Variants in ATP8A2 observed in about 807,000 individuals in gnomAD.
ATP8A2 encodes phospholipid-transporting ATPase IB.
In ATP8A2, 100 loss-of-function variants were observed where a neutral mutation model predicts 165.6. The ratio of observed to expected loss-of-function variants is 0.60; its 90% CI spans 0.51 to 0.71. The LOEUF (loss-of-function observed/expected upper bound fraction) is 0.71. ATP8A2 is among the 30% of genes least tolerant of loss of function. The pLI is 0.00. For missense variants in ATP8A2, 1,227 were observed against 1,479.5 expected (o/e 0.83, Z 2.80); for synonymous variants, 543 against 548.8 (o/e 0.99, Z 0.15).
rs1955004694 is a variant in ATP8A2, at chr13:25,939,357, A to G, written c.3184-22218A>G. Among the ~76,000 whole-genome samples the G allele has an allele frequency of 2.0e-5, 3 of 152,114 alleles. 1 individual carries two copies. In the South Asian group the frequency reaches 6.2e-4, roughly 32 times the overall value. On this transcript the variant is annotated intron_variant, in intron 33 of 36. Coordinates refer to ENST00000381655, the MANE Select transcript of ATP8A2 (RefSeq NM_016529.6). ...TTTGCCCGTTTTGGTTGATTTTTGT[A>G]AACATTTTTTAGTCAACTTACATGG...
At chr13:25,994,678 G>A (rs1383240556) in intron 35 of ATP8A2, among the ~76,000 whole-genome samples, 1 of 152,070 alleles carries the variant, frequency 6.6e-6, no homozygotes, top group African/African-American at 2.4e-5. Flanking sequence ...TAACATGGTA[G>A]ATTACATTGA....
chr13:25,829,915 G>A (rs1951420496), intron 28 of ATP8A2, among the ~76,000 whole-genome samples: 1 of 151,114 alleles, frequency 6.6e-6, no homozygotes, highest in Non-Finnish European at 1.5e-5. Context: ...CAGACCATTT[G>A]CAGGAGAATA....
At position 26,025,772 on chromosome 13, in the gene ATP8A2, T is replaced by C. The variant is rs1322636946; in HGVS notation, c.*5787T>C. On this transcript the variant is annotated 3_prime_UTR_variant, in exon 37 of 37. Coordinates refer to ENST00000381655, the MANE Select transcript of ATP8A2 (RefSeq NM_016529.6). ...TTTTAGAAGTTTTGGGAGAATTTAG[T>C]GATTTGTGGCTTTGATCAATCCTGT... The C allele has an allele frequency of 2.0e-5, 3 of 152,276 alleles. No individual in the cohort carries two copies. The highest frequency in any genetic ancestry group is 7.2e-5 in the African/African-American group (3 of 41,468). 9.4% of individuals were successfully genotyped at this position (152,276 alleles called of 1,614,324 possible). A position where few individuals can be genotyped will look rare whatever the true frequency, so the allele number is the denominator to read the frequency against.
intron 33 of ATP8A2, among the ~76,000 whole-genome samples, chr13:25,925,925 C>T (rs1168846707): frequency 2.0e-5 from 3 of 151,924 alleles, no homozygotes; most frequent in Non-Finnish European, 4.4e-5. Context: ...GAGGTTTCTC[C>T]ATATTGGCCA....
rs554305960 is a variant in ATP8A2, at chr13:25,431,797, A to G, written c.77-37180A>G. Among the ~76,000 whole-genome samples the G allele has an allele frequency of 4.6e-5, 7 of 152,336 alleles. No individual in the cohort carries two copies. The South Asian group carries it at 1.2e-3, about 27-fold the overall frequency. On this transcript the variant is annotated intron_variant, in intron 1 of 36. Transcript: ENST00000381655. ...TTACATACATTAAATTCATTTTAGTATATTCACAAAGGTGTGCAGCCATCA... is the reference window on the plus strand; with the variant it reads ...TTACATACATTAAATTCATTTTAGTGTATTCACAAAGGTGTGCAGCCATCA...
chr13:25,408,080 A>ATAT lies in ATP8A2; in HGVS notation c.76+35792_76+35793insTAT, dbSNP rs35215022. ...TGTATCCTGGAACTTAAAGTAAAAA[A>ATAT]ATATATATATATTTGACATTAAAAA... On this transcript the variant is annotated intron_variant, in intron 1 of 36. Transcript: ENST00000381655. Among the ~76,000 whole-genome samples the ATAT allele has an allele frequency of 6.7e-3, 1,010 of 151,434 alleles. 15 individuals carry two copies. Among genetic ancestry groups the ATAT allele is most frequent in the African/African-American group, 0.023 (943 of 41,240 alleles).
chr13:25,963,477 A>G (rs1955710422), intron 34 of ATP8A2, among the ~76,000 whole-genome samples: 1 of 152,220 alleles, frequency 6.6e-6, no homozygotes, highest in South Asian at 2.1e-4. Flanking sequence ...CTTTCAGCCA[A>G]TAGGCCCAAT....
chr13:25,672,779 A>G (rs2042294772), intron 24 of ATP8A2, among the ~76,000 whole-genome samples: 1 of 152,182 alleles, frequency 6.6e-6, no homozygotes, highest in Non-Finnish European at 1.5e-5. Flanking sequence ...TTGAGCTAAT[A>G]TAGTCAATCT....
chr13:25,930,305 G>A (rs1954734672), intron 33 of ATP8A2, among the ~76,000 whole-genome samples: 1 of 152,180 alleles, frequency 6.6e-6, no homozygotes, highest in Admixed American at 6.5e-5. Context: ...CTGCTAACAA[G>A]TCCCAGTCTG....
Position 25,557,901 on chromosome 13 carries a change from T to C in ATP8A2, c.1264-1072T>C, listed in dbSNP as rs529844727. ...ATAAGCCCTTATTATAAAATGTTCATTAAAAATTTTTTTTTTTTTGAGATG... is the reference window on the plus strand; with the variant it reads ...ATAAGCCCTTATTATAAAATGTTCACTAAAAATTTTTTTTTTTTTGAGATG... On this transcript the variant is annotated intron_variant, in intron 13 of 36. Coordinates refer to ENST00000381655, the MANE Select transcript of ATP8A2 (RefSeq NM_016529.6). Among the ~76,000 whole-genome samples the C allele has an allele frequency of 2.0e-5, 3 of 151,968 alleles. No individual in the cohort carries two copies. The South Asian group carries it at 6.2e-4, about 32-fold the overall frequency.
intron 27 of ATP8A2, among the ~76,000 whole-genome samples, chr13:25,805,900 A>G (rs1220403249): frequency 6.6e-6 from 1 of 152,136 alleles, no homozygotes; most frequent in African/African-American, 2.4e-5. Context: ...TGGTAGGTAT[A>G]TCCAGTATGT....
intron 24 of ATP8A2, among the ~76,000 whole-genome samples, chr13:25,635,794 C>A (rs959795818): frequency 6.6e-6 from 1 of 152,212 alleles, no homozygotes; most frequent in African/African-American, 2.4e-5. Flanking sequence ...AGCCTCTCTG[C>A]TTTGGAAAGA....
intron 25 of ATP8A2, among the ~76,000 whole-genome samples, chr13:25,707,035 T>TTAAA (rs1356306180): frequency 2.6e-5 from 4 of 152,192 alleles, no homozygotes; most frequent in Non-Finnish European, 5.9e-5. Context: ...AGCCCAAAGC[T>TTAAA]TAAACACTGT....
intron 33 of ATP8A2, among the ~76,000 whole-genome samples, chr13:25,931,954 A>G (rs1954779004): frequency 6.6e-6 from 1 of 151,782 alleles, no homozygotes; most frequent in Non-Finnish European, 1.5e-5. Flanking sequence ...AGGCCGAGGC[A>G]GGAGAATCAC....
intron 16 of ATP8A2, among the ~76,000 whole-genome samples, chr13:25,570,428 G>A (rs549942445): frequency 1.3e-5 from 2 of 152,304 alleles, no homozygotes; most frequent in African/African-American, 4.8e-5. Context: ...GAAGCACGTG[G>A]GCAAATGGAA....
chr13:25,427,058 A>G (rs999362482), intron 1 of ATP8A2, among the ~76,000 whole-genome samples: 1 of 152,208 alleles, frequency 6.6e-6, no homozygotes, highest in Admixed American at 6.5e-5. Flanking sequence ...AGGGGGTGTG[A>G]GAGAGTATGT....
intron 1 of ATP8A2, among the ~76,000 whole-genome samples, chr13:25,439,123 C>T (rs1207579242): frequency 1.3e-5 from 2 of 152,190 alleles, no homozygotes; most frequent in African/African-American, 4.8e-5. Flanking sequence ...GATACAGGGC[C>T]ACATCCCCCA....
intron 24 of ATP8A2, among the ~76,000 whole-genome samples, chr13:25,627,290 A>G (rs912392091): frequency 3.3e-5 from 5 of 152,134 alleles, no homozygotes; most frequent in African/African-American, 9.7e-5. Flanking sequence ...GCAGACAAGG[A>G]AAGACCATGC....
chr13:25,770,155 A>G (rs2044587898), intron 26 of ATP8A2, among the ~76,000 whole-genome samples: 1 of 152,238 alleles, frequency 6.6e-6, no homozygotes, highest in Non-Finnish European at 1.5e-5. Flanking sequence ...GTTTAAACAA[A>G]GATGGTAACA....
Sources: gnomAD v4.1 joint callset for allele counts (sites outside exome capture counted in the v4.1 genomes callset) on GRCh38, gnomAD v4.1.1 for gene constraint, MANE v1.5 for transcripts, NCBI Gene and HGNC (gene_info 2026-07-23, HGNC 2026-07-21) for gene names.